Variants in TUBD1 observed in about 807,000 individuals in gnomAD.
The protein encoded by TUBD1 is tubulin delta 1.
In TUBD1, 38 loss-of-function variants were observed where a neutral mutation model predicts 51.2. The ratio of observed to expected loss-of-function variants is 0.74; its 90% CI spans 0.57 to 0.97. The LOEUF is 0.97. Ranked by LOEUF, TUBD1 falls within the 50% of genes least tolerant of loss-of-function variation. TUBD1 has a pLI of 0.00. For missense variants in TUBD1, 489 were observed against 538.4 expected, an observed-to-expected ratio of 0.91 and a Z score of 0.91; for synonymous variants, 169 against 178.2, an observed-to-expected ratio of 0.95 and a Z score of 0.41.
chr17:59,871,512 T>C (rs766707257), intron 6 of TUBD1, among the ~76,000 whole-genome samples: 6 of 152,146 alleles, frequency 3.9e-5, no homozygotes, highest in Non-Finnish European at 8.8e-5. Flanking sequence ...TGAAGATATT[T>C]GTAGCCTCAA....
At chr17:59,872,694 A>ATGTGTGTG (rs60720420) in intron 6 of TUBD1, among the ~76,000 whole-genome samples, 2,775 of 142,664 alleles carry the variant, frequency 0.019, 45 homozygotes, top group South Asian at 0.05. Flanking sequence ...GAAAATGGGA[A>ATGTGTGTG]TGTGTGTGTG....
chr17:59,877,871 G>A (rs1239784713), intron 5 of TUBD1, among the ~76,000 whole-genome samples: 2 of 151,218 alleles, frequency 1.3e-5, no homozygotes, highest in Non-Finnish European at 2.9e-5. Context: ...ATTAAAAAAA[G>A]AAAAAAAAGA....
chr17:59,872,903 G>T (rs2040059594), intron 6 of TUBD1, among the ~76,000 whole-genome samples: 1 of 151,824 alleles, frequency 6.6e-6, no homozygotes, highest in South Asian at 2.1e-4. Context: ...GGAATTACAG[G>T]CGACTGCCAC....
In TUBD1 at chr17:59,887,219, A is replaced by G. The variant is rs181113196; in HGVS notation, c.173-989T>C. 2.9e-4 allele frequency among the ~76,000 whole-genome samples: 44 copies of G among 152,030 alleles called. 1 individual carries two copies. Among genetic ancestry groups the G allele is most frequent in the Admixed American group, 1.4e-3 (21 of 15,222 alleles). On this transcript the variant is annotated intron_variant, in intron 2 of 8. Transcript: ENST00000325752. Reference sequence around the variant, plus strand: ...ACAAACAAACAAAAAACAAAAATACAAAATTAGCAAGACTTGGTGGCGTGT... The same window carrying G: ...ACAAACAAACAAAAAACAAAAATACGAAATTAGCAAGACTTGGTGGCGTGT...
At position 59,887,298 on chromosome 17, in the gene TUBD1, G is replaced by C. The variant is rs557965800; in HGVS notation, c.173-1068C>G. On this transcript the variant is annotated intron_variant, in intron 2 of 8. Coordinates refer to ENST00000325752, the MANE Select transcript of TUBD1 (RefSeq NM_016261.4). ...GAGGCACGAGAATTGCTTGAACCCA[G>C]GAGGCAGAGGTTGCAATGAGCTGCA... Among the ~76,000 whole-genome samples, 227 of 152,174 alleles carry C rather than the reference G, an allele frequency of 1.5e-3. 1 individual carries two copies. The highest frequency in any genetic ancestry group is 5.2e-3 in the African/African-American group (218 of 41,530).
intron 7 of TUBD1, among the ~76,000 whole-genome samples, chr17:59,865,629 A>G (rs2144435689): frequency 6.6e-6 from 1 of 152,274 alleles, no homozygotes; most frequent in East Asian, 1.9e-4. Flanking sequence ...AAAAATTTGT[A>G]ACAAAATGCT....
At position 59,860,247 on chromosome 17, in the gene TUBD1, CTT is replaced by C; in HGVS notation, c.*73_*74del. 8.9e-7 allele frequency: 1 copy of C among 1,123,328 alleles called. No homozygotes were observed. The highest frequency in any genetic ancestry group is 2.4e-5 in the East Asian group (1 of 41,534). 69.6% of individuals were successfully genotyped at this position (1,123,328 alleles called of 1,614,324 possible). On this transcript the variant is annotated 3_prime_UTR_variant, in exon 9 of 9. Transcript: ENST00000325752. ...TAGCCAGGATGGAGAACTTTGAAAACTTTACAGAGAAAATAGTATTGAAAATA... is the reference window on the plus strand; with the variant it reads ...TAGCCAGGATGGAGAACTTTGAAAACTACAGAGAAAATAGTATTGAAAATA...
At chr17:59,887,571 G>C (rs2040793662) in intron 2 of TUBD1, among the ~76,000 whole-genome samples, 1 of 152,108 alleles carries the variant, frequency 6.6e-6, no homozygotes, top group South Asian at 2.1e-4. Flanking sequence ...ATGAAAAGCA[G>C]GTAGGGCTCA....
chr17:59,881,433 T>A (rs1050957346), intron 3 of TUBD1, among the ~76,000 whole-genome samples: 2 of 152,182 alleles, frequency 1.3e-5, no homozygotes, highest in Admixed American at 1.3e-4. Flanking sequence ...ATAAATGGGT[T>A]AACAGGCGAA....
chr17:59,879,633 G>T (rs2040392044), intron 4 of TUBD1, among the ~76,000 whole-genome samples: 1 of 151,784 alleles, frequency 6.6e-6, no homozygotes, highest in Admixed American at 6.6e-5. Context: ...AAGGGGTTTC[G>T]CCATGTTGGC....
rs779108991 is a variant in TUBD1 at position 59,863,764 on chromosome 17, TA to T, written c.1158del (p.Phe386LeufsTer17). The T allele has an allele frequency of 7.4e-6, 12 of 1,611,522 alleles. No homozygotes were observed. Among genetic ancestry groups the T allele is most frequent in the Non-Finnish European group, 9.3e-6 (11 of 1,179,270 alleles). On this transcript the variant is annotated frameshift_variant, in exon 8 of 9. Coordinates refer to ENST00000325752, the MANE Select transcript of TUBD1 (RefSeq NM_016261.4). LOFTEE classifies it high-confidence loss of function. ...AFNVWKTQRAFSKYEKSAVLV... is the reference protein window; with the variant it reads ...AFNVWKTQRAXSKYEKSAVLV... ...AACACTGCAGACTTCTCATATTTGC[TA>T]AAGGCCCGCTGGGTTTTCCACACGT... is the stretch of plus-strand genomic sequence containing the variant.
chr17:59,882,907 C>T (rs1007388796), intron 3 of TUBD1, among the ~76,000 whole-genome samples: 2 of 151,758 alleles, frequency 1.3e-5, no homozygotes, highest in African/African-American at 4.8e-5. Flanking sequence ...GCCTTAGCTT[C>T]CCGAGTAGCT....
chr17:59,874,416 C>G, intron 6 of TUBD1, 123 bp downstream of exon 6: 1 of 874,548 alleles, frequency 1.1e-6, no homozygotes, highest in Non-Finnish European at 1.7e-6. Flanking sequence ...GAGTTTCTGC[C>G]GGAGTCTCTC....
At position 59,878,309 on chromosome 17, in the gene TUBD1, ATG is replaced by A. The variant is rs2040319266; in HGVS notation, c.561_562del (p.Ile188PhefsTer17). 1.2e-6 allele frequency: 2 copies of A among 1,613,866 alleles called. No homozygotes were observed. Among genetic ancestry groups the A allele is most frequent in the South Asian group, 2.2e-5 (2 of 91,080 alleles). On this transcript the variant is annotated frameshift_variant, in exon 5 of 9. Transcript: ENST00000325752. LOFTEE classifies it high-confidence loss of function. ...TCGGTACAAGTGAGAAAGTGTCAAA[ATG>A]GAGTTGTAGTTTTGAACAATAACCT...
At chr17:59,880,639 C>T (rs1057298704) in intron 4 of TUBD1, among the ~76,000 whole-genome samples, 4 of 151,838 alleles carry the variant, frequency 2.6e-5, no homozygotes, top group East Asian at 1.9e-4. Flanking sequence ...CTCAGCCTCC[C>T]GAGTAGCTGG....
chr17:59,889,077 G>T, intron 2 of TUBD1, among the ~76,000 whole-genome samples: 1 of 136,956 alleles, frequency 7.3e-6, no homozygotes. Flanking sequence ...GTGCAGTGGC[G>T]AGATCTCGGC....
intron 5 of TUBD1, among the ~76,000 whole-genome samples, chr17:59,876,669 C>G (rs1252985091): frequency 6.6e-6 from 1 of 151,634 alleles, no homozygotes; most frequent in East Asian, 1.9e-4. Context: ...TTTTTAAATT[C>G]TTAGTAGAGA....
intron 3 of TUBD1, among the ~76,000 whole-genome samples, chr17:59,882,322 C>T (rs1179355136): frequency 3.3e-5 from 5 of 152,004 alleles, no homozygotes; most frequent in Admixed American, 1.3e-4. Flanking sequence ...CTCGCTCTGT[C>T]GCCCAGGCTG....
intron 5 of TUBD1, among the ~76,000 whole-genome samples, chr17:59,875,969 A>G (rs1412776162): frequency 1.3e-5 from 2 of 152,182 alleles, no homozygotes; most frequent in Non-Finnish European, 2.9e-5. Flanking sequence ...AAACTTTATA[A>G]CACTGAGTAC....
Sources: allele counts gnomAD v4.1 joint callset (sites outside exome capture counted in the v4.1 genomes callset), GRCh38; gene constraint gnomAD v4.1.1; transcripts MANE v1.5; gene names NCBI Gene and HGNC (gene_info 2026-07-23, HGNC 2026-07-21).